The following MAP3K3 variants were observed in gnomAD, a reference collection of about 807,000 sequenced individuals.
MAP3K3 encodes the protein mitogen-activated protein kinase kinase kinase 3.
A neutral mutation model predicts 80.9 loss-of-function variants in MAP3K3; 12 were observed. That is an observed-to-expected ratio of 0.15 (90% CI 0.10 to 0.24). The LOEUF is 0.24. Among genes scored for constraint, MAP3K3 ranks in the 10% least tolerant of loss-of-function variants. The pLI, the probability that MAP3K3 is intolerant of heterozygous loss-of-function variation, is 1.00. For synonymous variants in MAP3K3, 272 were observed against 307.1 expected, an observed-to-expected ratio of 0.89 and a Z score of 1.19; for missense variants, 596 against 834.7, an observed-to-expected ratio of 0.71 and a Z score of 3.52.
intron 5 of MAP3K3, among the ~76,000 whole-genome samples, chr17:63,660,775 T>A: frequency 6.6e-6 from 1 of 151,818 alleles, no homozygotes; most frequent in East Asian, 1.9e-4. Context: ...TATTTTTTTT[T>A]AGTAGAGACG....
intron 3 of MAP3K3, among the ~76,000 whole-genome samples, chr17:63,648,769 C>T (rs1243856470): frequency 2.0e-5 from 3 of 151,990 alleles, no homozygotes; most frequent in South Asian, 2.1e-4. Flanking sequence ...GAGCCGAGTT[C>T]GAGCCACTGC....
At chr17:63,688,672 A>T in intron 9 of MAP3K3, 78 bp downstream of exon 9, 1 of 1,460,268 alleles carries the variant, frequency 6.8e-7, no homozygotes, top group Non-Finnish European at 9.6e-7. Context: ...GACTTTTCTG[A>T]GTCAGTAGCT....
At chr17:63,639,189 G>A (rs940969328) in intron 2 of MAP3K3, among the ~76,000 whole-genome samples, 5 of 152,066 alleles carry the variant, frequency 3.3e-5, no homozygotes, top group Non-Finnish European at 7.4e-5. Flanking sequence ...TGAAAGATGA[G>A]CCTGGGCCAG....
At chr17:63,671,245 G>A (rs2035100637) in intron 6 of MAP3K3, among the ~76,000 whole-genome samples, 1 of 148,704 alleles carries the variant, frequency 6.7e-6, no homozygotes, top group African/African-American at 2.6e-5. Flanking sequence ...GACCCTGTGA[G>A]TTCAAAATTA....
At chr17:63,629,479 G>T (rs1163490609) in intron 1 of MAP3K3, among the ~76,000 whole-genome samples, 3 of 152,156 alleles carry the variant, frequency 2.0e-5, no homozygotes, top group African/African-American at 7.2e-5. Flanking sequence ...CATTGGAGGA[G>T]TGCTGATAAT....
intron 3 of MAP3K3, among the ~76,000 whole-genome samples, chr17:63,650,931 A>AAGCG (rs2034643020): frequency 6.6e-6 from 1 of 152,140 alleles, no homozygotes; most frequent in South Asian, 2.1e-4. Flanking sequence ...TCCTAGCCTC[A>AAGCG]AGCGAGCCTC....
intron 6 of MAP3K3, among the ~76,000 whole-genome samples, chr17:63,676,129 A>G (rs774288034): frequency 6.6e-6 from 1 of 152,220 alleles, no homozygotes; most frequent in Non-Finnish European, 1.5e-5. Flanking sequence ...GGGCCTGTGC[A>G]CAATAGCCGC....
intron 1 of MAP3K3, among the ~76,000 whole-genome samples, chr17:63,628,664 CTA>C (rs1487521650): frequency 1.3e-5 from 2 of 152,126 alleles, no homozygotes; most frequent in East Asian, 1.9e-4. Flanking sequence ...CCTGCCAATT[CTA>C]TCTTTTTTTT....
chr17:63,647,887 T>A (rs957862317), intron 3 of MAP3K3, among the ~76,000 whole-genome samples: 2 of 152,216 alleles, frequency 1.3e-5, no homozygotes, highest in Admixed American at 1.3e-4. Flanking sequence ...GAATTAGAAT[T>A]CACAGGAAAG....
Position 63,666,498 on chromosome 17 carries a change from A to T in MAP3K3, c.382-442A>T, listed in dbSNP as rs185538171. ...ATCAGTCAATAAGATAAATACATATATAGCAACCAGAATTTTGTTGGGGAG... is the reference window on the plus strand; with the variant it reads ...ATCAGTCAATAAGATAAATACATATTTAGCAACCAGAATTTTGTTGGGGAG... On this transcript the variant is annotated intron_variant, in intron 5 of 15. Transcript: ENST00000361733. Among the ~76,000 whole-genome samples the T allele has an allele frequency of 2.0e-5, 3 of 152,286 alleles. No individual in the cohort carries two copies. The East Asian group carries it at 5.8e-4, about 29-fold the overall frequency.
In MAP3K3 at chr17:63,692,886, C is replaced by G. The variant is rs987040740; in HGVS notation, c.1652+467C>G. 2.6e-5 allele frequency among the ~76,000 whole-genome samples: 4 copies of G among 152,206 alleles called. No individual in the cohort carries two copies. The East Asian group carries it at 7.7e-4, about 29-fold the overall frequency. On this transcript the variant is annotated intron_variant, in intron 15 of 15. Transcript: ENST00000361733. This position sits in a 1 kb window ranked among gnomAD's most constrained non-coding sequence, Gnocchi z 4.5. ...CCCCCAAAGATGTCCACTGCCTAAT[C>G]CCTGGATCTGTAAATGTGATTGTAT...
At chr17:63,642,799 C>T (rs1422663986) in intron 2 of MAP3K3, among the ~76,000 whole-genome samples, 1 of 151,962 alleles carries the variant, frequency 6.6e-6, no homozygotes, top group Non-Finnish European at 1.5e-5. Flanking sequence ...TTCTATCACC[C>T]AGGCTGGAGT....
chr17:63,624,855 T>C (rs1264580052), intron 1 of MAP3K3, among the ~76,000 whole-genome samples: 1 of 152,246 alleles, frequency 6.6e-6, no homozygotes, highest in African/African-American at 2.4e-5. Context: ...TCTTGACACC[T>C]GGCTGTTCAA....
At position 63,689,592 on chromosome 17, in the gene MAP3K3, C is replaced by A; in HGVS notation, c.920C>A (p.Thr307Asn). The change falls in exon 11 of 16, where the codon ACC becomes AAC. Residue 307 changes from threonine (T) to asparagine (N), a missense_variant. Thr to Asn is a moderately conservative substitution (Grantham distance 65). Coordinates refer to ENST00000361733, the MANE Select transcript of MAP3K3 (RefSeq NM_002401.5). This position sits in a 1 kb window ranked among gnomAD's most constrained non-coding sequence, Gnocchi z 4.3. Reference protein sequence around the residue: ...RIRRHQGNLFTLVPSSRSLST... With the variant: ...RIRRHQGNLFNLVPSSRSLST... ...CGGCGTCATCAAGGCAACTTGTTCA[C>A]CCTGGTGCCCTCCAGCCGCTCCCTG... 1.9e-6 allele frequency: 3 copies of A among 1,613,864 alleles called. No individual in the cohort carries two copies. The highest frequency in any genetic ancestry group is 2.5e-6 in the Non-Finnish European group (3 of 1,179,856).
At chr17:63,650,691 AGAGAGT>A in intron 3 of MAP3K3, among the ~76,000 whole-genome samples, 1 of 137,620 alleles carries the variant, frequency 7.3e-6, no homozygotes, top group African/African-American at 3.2e-5. Flanking sequence ...AGAGAGAGAG[AGAGAGT>A]TTTTTTTTTT....
chr17:63,632,667 C>T lies in MAP3K3; in HGVS notation c.5-14C>T, dbSNP rs367901029. On this transcript the variant is annotated splice_polypyrimidine_tract_variant and intron_variant, in intron 1 of 15. Coordinates refer to ENST00000361733, the MANE Select transcript of MAP3K3 (RefSeq NM_002401.5). ...ATTTAAGTGTCTTAGTCCATGTGCT[C>T]TCTTTCATTGCAGACGAACAGGAGG... is the stretch of plus-strand genomic sequence containing the variant. 2 of 1,613,548 alleles carry T rather than the reference C, an allele frequency of 1.2e-6. No individual in the cohort carries two copies. The highest frequency in any genetic ancestry group is 2.7e-5 in the African/African-American group (2 of 74,896).
At chr17:63,626,787 G>A (rs7220821) in intron 1 of MAP3K3, among the ~76,000 whole-genome samples, 57,825 of 152,152 alleles carry the variant, frequency 0.38, 14,370 homozygotes, top group African/African-American at 0.71. Flanking sequence ...CTCCTGAGTG[G>A]GCAGTGCGAT....
At position 63,691,158 on chromosome 17, in the gene MAP3K3, C is replaced by T; in HGVS notation, c.1269C>T (p.Arg423=). The part of the protein sequence containing the change: ...IQLLKNLQHE[R]IVQYYGCLRD... ...TGCTAAAGAACTTGCAGCATGAGCG[C>T]ATCGTGCAGTACTATGGCTGTCTGC... The change falls in exon 13 of 16, where the codon CGC becomes CGT. Residue 423 remains arginine, a synonymous_variant. Transcript: ENST00000361733. The surrounding 1 kb of genome is among the most constrained non-coding windows in gnomAD (Gnocchi z 4.8). 6.2e-7 allele frequency: 1 copy of T among 1,614,198 alleles called. No homozygotes were observed. The highest frequency in any genetic ancestry group is 8.5e-7 in the Non-Finnish European group (1 of 1,180,022).
chr17:63,666,376 A>G (rs1030198728), intron 5 of MAP3K3, among the ~76,000 whole-genome samples: 3 of 152,172 alleles, frequency 2.0e-5, no homozygotes, highest in Non-Finnish European at 2.9e-5. Flanking sequence ...GCATGTACCT[A>G]TAGTCTCAGC....
Sources: allele counts gnomAD v4.1 joint callset (sites outside exome capture counted in the v4.1 genomes callset), GRCh38; gene constraint gnomAD v4.1.1; non-coding constraint Gnocchi (gnomAD v3.1); transcripts MANE v1.5; gene names NCBI Gene and HGNC (gene_info 2026-07-23, HGNC 2026-07-21).